Variants in TNIP3 observed in about 807,000 individuals in gnomAD.
TNIP3 encodes TNFAIP3-interacting protein 3.
TNIP3 carries 34 observed loss-of-function variants against 54.1 expected under a neutral mutation model. That is an observed-to-expected ratio of 0.63 (90% CI 0.48 to 0.84). The LOEUF is 0.84. Among genes scored for constraint, TNIP3 ranks in the 40% least tolerant of loss-of-function variants. TNIP3 has a pLI of 0.00. For synonymous variants in TNIP3, 134 were observed against 136.8 expected, an observed-to-expected ratio of 0.98 and a Z score of 0.14; for missense variants, 366 against 387.6, an observed-to-expected ratio of 0.94 and a Z score of 0.47.
chr4:121,227,300 G>A (rs554736867), intron 1 of TNIP3: 49 of 1,194,282 alleles, frequency 4.1e-5, no homozygotes, highest in Non-Finnish European at 5.6e-5. Context: ...AGAACTTTAT[G>A]CATTTTAAAA....
intron 1 of TNIP3, among the ~76,000 whole-genome samples, chr4:121,225,985 C>A (rs1727238875): frequency 6.6e-6 from 1 of 152,040 alleles, no homozygotes; most frequent in Admixed American, 6.6e-5. Flanking sequence ...CTCATTCATG[C>A]CTCATTAATG....
chr4:121,182,692 T>C, exon 3 of TNIP3: 1 of 1,534,114 alleles, frequency 6.5e-7, no homozygotes, highest in Non-Finnish European at 8.7e-7. Context: ...AGAACATAGA[T>C]TTCTGTGAGT....
chr4:121,226,368 A>G (rs552187182), intron 1 of TNIP3, among the ~76,000 whole-genome samples: 1 of 152,272 alleles, frequency 6.6e-6, no homozygotes, highest in Admixed American at 6.5e-5. Flanking sequence ...GATATAAAAA[A>G]TACACTAAAA....
chr4:121,188,242 A>T (rs1380788753), intron 2 of TNIP3, among the ~76,000 whole-genome samples: 1 of 152,136 alleles, frequency 6.6e-6, no homozygotes, highest in Non-Finnish European at 1.5e-5. Context: ...ATTAAATAGA[A>T]ATGATATTAA....
intron 3 of TNIP3, among the ~76,000 whole-genome samples, chr4:121,173,657 C>T (rs541060535): frequency 6.6e-6 from 1 of 152,250 alleles, no homozygotes; most frequent in East Asian, 1.9e-4. Context: ...GAGATGGAAT[C>T]TGGCTCTGTT....
intron 4 of TNIP3, 117 bp from the exon 5 acceptor site, chr4:121,154,796 T>C: frequency 1.0e-6 from 1 of 956,636 alleles, no homozygotes; most frequent in South Asian, 1.8e-5. Context: ...CCTTCTGAAA[T>C]ACAATAAAAA....
chr4:121,206,128 A>C (rs1163076884), intron 2 of TNIP3, among the ~76,000 whole-genome samples: 1 of 152,162 alleles, frequency 6.6e-6, no homozygotes, highest in African/African-American at 2.4e-5. Flanking sequence ...TGGGAACTAC[A>C]ATTCAAGATG....
intron 6 of TNIP3, among the ~76,000 whole-genome samples, chr4:121,149,620 G>A (rs977454367): frequency 6.6e-6 from 1 of 152,170 alleles, no homozygotes; most frequent in African/African-American, 2.4e-5. Flanking sequence ...CAAAAAATTA[G>A]CTGGGCATTG....
intron 2 of TNIP3, chr4:121,216,313 T>C: frequency 1.0e-6 from 1 of 999,584 alleles, no homozygotes; most frequent in Non-Finnish European, 1.5e-6. Flanking sequence ...TTCAGACAGC[T>C]TCTCTTCTAC....
intron 2 of TNIP3, among the ~76,000 whole-genome samples, chr4:121,200,406 C>G (rs991784223): frequency 1.3e-5 from 2 of 152,128 alleles, no homozygotes; most frequent in African/African-American, 4.8e-5. Context: ...CAAAACTGTA[C>G]CTAGTTAGAA....
chr4:121,213,286 C>A (rs187885157), intron 2 of TNIP3, among the ~76,000 whole-genome samples: 107 of 152,120 alleles, frequency 7.0e-4, no homozygotes, highest in African/African-American at 2.3e-3. Context: ...GAATTTAATG[C>A]CAGGTAAAAG....
chr4:121,219,776 C>T (rs1726955584), upstream of TNIP3, among the ~76,000 whole-genome samples: 1 of 152,032 alleles, frequency 6.6e-6, no homozygotes, highest in South Asian at 2.1e-4. Flanking sequence ...GAGAGGTGTC[C>T]AAATGTAATT....
upstream of TNIP3, among the ~76,000 whole-genome samples, chr4:121,165,931 T>C (rs377048465): frequency 1.9e-4 from 29 of 152,324 alleles, no homozygotes; most frequent in South Asian, 6.0e-3. Flanking sequence ...GAAAACTCTA[T>C]TGTAAGAATA....
At chr4:121,176,688 A>T (rs1436175777) in intron 3 of TNIP3, among the ~76,000 whole-genome samples, 1 of 149,516 alleles carries the variant, frequency 6.7e-6, no homozygotes, top group Non-Finnish European at 1.5e-5. Flanking sequence ...AAAAAAGGGA[A>T]ATAAGAAAAG....
intron 7 of TNIP3, among the ~76,000 whole-genome samples, chr4:121,145,011 T>G (rs79474439): frequency 0.022 from 3,312 of 152,278 alleles, 78 homozygotes; most frequent in Admixed American, 0.035. Context: ...CCTAAGCATC[T>G]TTCACTTTAC....
In TNIP3 at chr4:121,164,110, G is replaced by C. The variant is rs141600845; in HGVS notation, c.16C>G (p.Gln6Glu). The stretch of plus-strand genomic sequence containing the variant: ...GCGGCAATCATTCTAGATGTGCCCT[G>C]TACAAAATGTGCCATGGAAGCTGTT... Reference protein sequence around the residue: MAHFVQGTSRMIAAES... With the variant: MAHFVEGTSRMIAAES... The change falls in exon 1 of 11, where the codon CAG becomes GAG. Residue 6 changes from glutamine (Q) to glutamate (E), a missense_variant. Gln to Glu is a conservative substitution (Grantham distance 29). Coordinates refer to ENST00000057513, the MANE Select transcript of TNIP3 (RefSeq NM_024873.6). The C allele has an allele frequency of 5.0e-6, 8 of 1,613,732 alleles. No individual in the cohort carries two copies. The highest frequency in any genetic ancestry group is 6.8e-6 in the Non-Finnish European group (8 of 1,179,760).
chr4:121,205,365 G>A (rs1367763901), intron 2 of TNIP3, among the ~76,000 whole-genome samples: 2 of 152,154 alleles, frequency 1.3e-5, no homozygotes, highest in Non-Finnish European at 2.9e-5. Context: ...TGGAGTTGGG[G>A]GAGTAAGAAG....
Position 121,157,130 on chromosome 4 carries a change from C to T in TNIP3, c.327G>A (p.Gln109=). ...KDDRQREDDR[Q]RDLTRDRLQR... is the part of the protein sequence containing the mutation. ...GCAGCCGGTCCCGGGTCAGGTCGCG[C>T]TGCCTGTCGTCCTCTCTCTGCCTGT... The change falls in exon 4 of 11, where the codon CAG becomes CAA. Residue 109 remains glutamine, a synonymous_variant. Coordinates refer to ENST00000057513, the MANE Select transcript of TNIP3 (RefSeq NM_024873.6). The T allele has an allele frequency of 6.2e-7, 1 of 1,612,712 alleles. No homozygotes were observed. Among genetic ancestry groups the T allele is most frequent in the Non-Finnish European group, 8.5e-7 (1 of 1,178,988 alleles).
intron 7 of TNIP3, among the ~76,000 whole-genome samples, chr4:121,145,565 A>G (rs1729377680): frequency 6.6e-6 from 1 of 151,344 alleles, no homozygotes; most frequent in Non-Finnish European, 1.5e-5. Flanking sequence ...TTGCCAGTCT[A>G]TCACCAATCT....
Sources: allele counts gnomAD v4.1 joint callset (sites outside exome capture counted in the v4.1 genomes callset), GRCh38; gene constraint gnomAD v4.1.1; transcripts MANE v1.5; gene names NCBI Gene and HGNC (gene_info 2026-07-23, HGNC 2026-07-21).